PRADC1: variants seen among roughly 807,000 people sequenced by gnomAD.
PRADC1 encodes the protein protease-associated domain-containing protein 1.
PRADC1 carries 23 observed loss-of-function variants against 22.9 expected under a neutral mutation model. That is an observed-to-expected ratio of 1.00 (90% confidence interval 0.72 to 1.42). The LOEUF is 1.42. Among genes scored for constraint, PRADC1 ranks in the 40% most tolerant of loss-of-function variants. PRADC1 has a pLI of 0.00. For missense variants in PRADC1, 207 were observed against 258.3 expected (o/e 0.80, Z 1.36); for synonymous variants, 71 against 100.3 (o/e 0.71, Z 1.75).
chr2:73,228,135 G>T lies in PRADC1; in HGVS notation c.*319C>A. Reference sequence around the variant, plus strand: ...CTGTGCAGAGACCCTGGGTAGGGGAGGCTGGAGCCAGGTGAGTGTGACAGG... The same window carrying T: ...CTGTGCAGAGACCCTGGGTAGGGGATGCTGGAGCCAGGTGAGTGTGACAGG... On this transcript the variant is annotated 3_prime_UTR_variant, in exon 5 of 5. Transcript: ENST00000258083. This position sits in a 1 kb window ranked among gnomAD's most constrained non-coding sequence, Gnocchi z 4.0. 1 of 368,584 alleles carries T rather than the reference G, an allele frequency of 2.7e-6. No individual in the cohort carries two copies. The highest frequency in any genetic ancestry group is 5.1e-6 in the Non-Finnish European group (1 of 194,188). 22.8% of individuals were successfully genotyped at this position (368,584 alleles called of 1,614,324 possible).
chr2:73,230,033 T>G, intron 2 of PRADC1, 80 bp downstream of exon 2: 1 of 964,512 alleles, frequency 1.0e-6, no homozygotes. Context: ...AGCACTCAGG[T>G]GGGATGAGAG....
In PRADC1 at chr2:73,228,265, C is replaced by T; in HGVS notation, c.*189G>A. The T allele has an allele frequency of 3.0e-6, 2 of 669,384 alleles. No individual in the cohort carries two copies. Among genetic ancestry groups the T allele is most frequent in the Non-Finnish European group, 5.0e-6 (2 of 400,458 alleles). The allele number at this position is 669,384 out of a possible 1,614,324, so 41.5% of individuals were successfully genotyped here. Reference sequence around the variant, plus strand: ...GCCTCTTCTTGTAGCATGAGACACCCTTGGGGGCCCTGGGGAAGGGAAGGC... The same window carrying T: ...GCCTCTTCTTGTAGCATGAGACACCTTTGGGGGCCCTGGGGAAGGGAAGGC... On this transcript the variant is annotated 3_prime_UTR_variant, in exon 5 of 5. Coordinates refer to ENST00000258083, the MANE Select transcript of PRADC1 (RefSeq NM_032319.3). The surrounding 1 kb of genome is among the most constrained non-coding windows in gnomAD (Gnocchi z 4.0).
chr2:73,229,630 C>A (rs1686598131), intron 2 of PRADC1, 60 bp from the exon 3 acceptor site: 2 of 1,320,394 alleles, frequency 1.5e-6, no homozygotes, highest in Admixed American at 1.7e-5. Context: ...TGCTTTAGGA[C>A]TGGGCTGACA....
At chr2:73,230,628 G>C (rs1342068713) in intron 1 of PRADC1, among the ~76,000 whole-genome samples, 3 of 152,192 alleles carry the variant, frequency 2.0e-5, no homozygotes, top group African/African-American at 7.2e-5. Flanking sequence ...CTCTTGTCCT[G>C]ACAGCTCAGC....
intron 1 of PRADC1, 147 bp from the exon 2 acceptor site, chr2:73,230,360 T>A: frequency 1.6e-6 from 1 of 635,774 alleles, no homozygotes; most frequent in Non-Finnish European, 2.8e-6. Flanking sequence ...GTGGCAGGGT[T>A]GGGGGCTAGA....
chr2:73,229,024 A>G, intron 3 of PRADC1, 62 bp from the exon 4 acceptor site: 1 of 1,491,278 alleles, frequency 6.7e-7, no homozygotes, highest in Non-Finnish European at 9.2e-7. Flanking sequence ...TCCCCAGACC[A>G]TCACCCTGGG....
chr2:73,231,108 C>T (rs1686626237), intron 1 of PRADC1, among the ~76,000 whole-genome samples: 2 of 152,206 alleles, frequency 1.3e-5, no homozygotes, highest in Admixed American at 1.3e-4. Context: ...AATTATACAG[C>T]TTTCATAACT....
Position 73,233,121 on chromosome 2 carries a change from A to T in PRADC1, c.40T>A (p.Trp14Arg). 6.5e-7 allele frequency: 1 copy of T among 1,543,844 alleles called. No individual in the cohort carries two copies. Among genetic ancestry groups the T allele is most frequent in the Non-Finnish European group, 8.7e-7 (1 of 1,154,790 alleles). Residue 14 changes from tryptophan to arginine, a missense_variant, in exon 1 of 5, where the codon TGG becomes AGG. Trp to Arg is a moderately radical substitution (Grantham distance 101). Coordinates refer to ENST00000258083, the MANE Select transcript of PRADC1 (RefSeq NM_032319.3). ...GAAGWCCLVL[W>R]LPACVAAHGF... ...TGGGCCGCGACGCACGCGGGGAGCC[A>T]GAGCACGAGACAACACCAGCCCGCG...
intron 1 of PRADC1, among the ~76,000 whole-genome samples, chr2:73,231,080 A>T (rs1686625793): frequency 6.6e-6 from 1 of 152,222 alleles, no homozygotes; most frequent in Non-Finnish European, 1.5e-5. Flanking sequence ...ATAAATGGGG[A>T]CTTTCAACAT....
Position 73,228,393 on chromosome 2 carries a change from T to C in PRADC1, c.*61A>G, listed in dbSNP as rs1686557061. 2 of 1,602,460 alleles carry C rather than the reference T, an allele frequency of 1.2e-6. No homozygotes were observed. Among genetic ancestry groups the C allele is most frequent in the Middle Eastern group, 2.1e-4 (1 of 4,666 alleles). On this transcript the variant is annotated 3_prime_UTR_variant, in exon 5 of 5. Coordinates refer to ENST00000258083, the MANE Select transcript of PRADC1 (RefSeq NM_032319.3). The surrounding 1 kb of genome is among the most constrained non-coding windows in gnomAD (Gnocchi z 4.0). ...TATCTCCAAATTCCAAGTAGCAAAA[T>C]TCCTGGGTTTCCCCTTCCCAGCTCA...
upstream of PRADC1, chr2:73,233,264 T>C (rs1157849249): frequency 7.0e-6 from 5 of 710,474 alleles, no homozygotes; most frequent in South Asian, 2.4e-5. Flanking sequence ...CCCGCCCACA[T>C]ACCCGCTCTC....
intron 1 of PRADC1, among the ~76,000 whole-genome samples, chr2:73,232,686 G>A (rs1469040927): frequency 1.3e-5 from 2 of 152,244 alleles, no homozygotes; most frequent in Non-Finnish European, 2.9e-5. Flanking sequence ...ATACATTTAT[G>A]TGCTTGTGTA....
intron 1 of PRADC1, among the ~76,000 whole-genome samples, chr2:73,231,033 T>A (rs1686625375): frequency 6.6e-6 from 1 of 152,278 alleles, no homozygotes; most frequent in Non-Finnish European, 1.5e-5. Context: ...TTCTGCCTCA[T>A]GATTGCCCTC....
At chr2:73,229,929 G>A in intron 2 of PRADC1, 184 bp downstream of exon 2, 2 of 603,428 alleles carry the variant, frequency 3.3e-6, no homozygotes, top group South Asian at 4.0e-5. Flanking sequence ...TGGTGCCTAG[G>A]TTTATATTAT....
In PRADC1 at chr2:73,230,184, G is replaced by A. The variant is rs756537156; in HGVS notation, c.97C>T (p.Gln33Ter). 12 of 1,613,874 alleles carry A rather than the reference G, an allele frequency of 7.4e-6. No homozygotes were observed. The highest frequency in any genetic ancestry group is 1.0e-5 in the Non-Finnish European group (12 of 1,179,708). Residue 33 changes from glutamine (Q) to a stop codon, truncating the protein, a stop_gained, in exon 2 of 5, where the codon CAA becomes TAA. Transcript: ENST00000258083. LOFTEE classifies it high-confidence loss of function. Reference sequence around the variant, plus strand: ...CGAATGTCCCCAGGACTCAGCACTTGAAAGTACAAATAATCATGGATACGG... The same window carrying A: ...CGAATGTCCCCAGGACTCAGCACTTAAAAGTACAAATAATCATGGATACGG... Reference protein sequence around the residue: ...GFRIHDYLYFQVLSPGDIRYI... With the variant: ...GFRIHDYLYF
In PRADC1 at chr2:73,228,960, C is replaced by T. The variant is rs1686575405; in HGVS notation, c.281G>A (p.Gly94Asp). ...CCGAGTCTTGGAGAGGAAGGAGCAG[C>T]CCCTGGAAGAGGTGGTGATAAGACC... is the stretch of plus-strand genomic sequence containing the variant. ...QDQIALVERG[G>D]CSFLSKTRVV... The change falls in exon 4 of 5, where the codon GGC becomes GAC. Residue 94 changes from glycine (G) to aspartate (D), a missense_variant and splice_region_variant. By Grantham distance (94) the Gly-to-Asp change is moderately conservative. Transcript: ENST00000258083. This position sits in a 1 kb window ranked among gnomAD's most constrained non-coding sequence, Gnocchi z 4.0. The T allele has an allele frequency of 1.2e-6, 2 of 1,613,614 alleles. No individual in the cohort carries two copies. Among genetic ancestry groups the T allele is most frequent in the Non-Finnish European group, 1.7e-6 (2 of 1,179,926 alleles).
chr2:73,231,617 G>A lies in PRADC1; in HGVS notation c.68-1404C>T, dbSNP rs964728309. Among the ~76,000 whole-genome samples, 8 of 151,028 alleles carry A rather than the reference G, an allele frequency of 5.3e-5. No homozygotes were observed. The South Asian group carries it at 8.3e-4, about 16-fold the overall frequency. ...TGTATTTTTTAGTAGAGAGGGTTTCGCCATGTTGACCAGGCTGATTTTTTT... is the reference window on the plus strand; with the variant it reads ...TGTATTTTTTAGTAGAGAGGGTTTCACCATGTTGACCAGGCTGATTTTTTT... On this transcript the variant is annotated intron_variant, in intron 1 of 4. Coordinates refer to ENST00000258083, the MANE Select transcript of PRADC1 (RefSeq NM_032319.3).
Position 73,230,225 on chromosome 2 carries a change from A to G in PRADC1, c.68-12T>C. Reference sequence around the variant, plus strand: ...ATGGATACGGAAGCCTGAAGGATAAAGAGTACAGGTAAGAAGCCTCCCAGG... The same window carrying G: ...ATGGATACGGAAGCCTGAAGGATAAGGAGTACAGGTAAGAAGCCTCCCAGG... On this transcript the variant is annotated splice_polypyrimidine_tract_variant and intron_variant, in intron 1 of 4. Coordinates refer to ENST00000258083, the MANE Select transcript of PRADC1 (RefSeq NM_032319.3). The G allele has an allele frequency of 1.9e-6, 3 of 1,596,680 alleles. No homozygotes were observed. The highest frequency in any genetic ancestry group is 1.7e-6 in the Non-Finnish European group (2 of 1,164,170).
intron 1 of PRADC1, among the ~76,000 whole-genome samples, chr2:73,232,204 G>A (rs1686657803): frequency 6.6e-6 from 1 of 152,068 alleles, no homozygotes; most frequent in Non-Finnish European, 1.5e-5. Flanking sequence ...GGGCGTGGTG[G>A]TGGGCGCCTG....
Sources: gnomAD v4.1 joint callset for allele counts (sites outside exome capture counted in the v4.1 genomes callset) on GRCh38, gnomAD v4.1.1 for gene constraint, Gnocchi (gnomAD v3.1) non-coding constraint, MANE v1.5 for transcripts, NCBI Gene and HGNC (gene_info 2026-07-23, HGNC 2026-07-21) for gene names.